C6orf62: variants seen among roughly 807,000 people sequenced by gnomAD.
C6orf62 encodes the protein chromosome 6 open reading frame 62, also known as uncharacterized protein C6orf62.
In C6orf62, 16 loss-of-function variants were observed where a neutral mutation model predicts 26.8. That is an observed-to-expected ratio of 0.60 (90% CI 0.40 to 0.91). C6orf62 has a LOEUF of 0.91. Ranked by LOEUF, C6orf62 falls within the 40% of genes least tolerant of loss-of-function variation. C6orf62 has a pLI of 0.00. For synonymous variants in C6orf62, 112 were observed against 91.5 expected, an observed-to-expected ratio of 1.22 and a Z score of -1.28; for missense variants, 192 against 271.4, an observed-to-expected ratio of 0.71 and a Z score of 2.06.
upstream of C6orf62, chr6:24,720,156 AG>A: frequency 7.8e-7 from 1 of 1,287,740 alleles, no homozygotes; most frequent in Non-Finnish European, 9.8e-7. Context: ...TGAGGCAGCT[AG>A]GGCGGGGTGG....
At chr6:24,712,390 G>A (rs369662363) in intron 3 of C6orf62, among the ~76,000 whole-genome samples, 3 of 151,484 alleles carry the variant, frequency 2.0e-5, no homozygotes, top group African/African-American at 7.3e-5. Flanking sequence ...TCAAAAAAAG[G>A]ACGGGCATGG....
chr6:24,705,420 A>G lies in C6orf62; in HGVS notation c.*717T>C, dbSNP rs1420851212. On this transcript the variant is annotated 3_prime_UTR_variant, in exon 5 of 5. Transcript: ENST00000378119. Reference sequence around the variant, plus strand: ...TCTGTTTTATAGCTGCTTTATAGCTACTTCAGACTCCAGATCTGCTTTAAT... The same window carrying G: ...TCTGTTTTATAGCTGCTTTATAGCTGCTTCAGACTCCAGATCTGCTTTAAT... 6.6e-6 allele frequency: 1 copy of G among 152,652 alleles called. No individual in the cohort carries two copies. Among genetic ancestry groups the G allele is most frequent in the African/African-American group, 2.4e-5 (1 of 41,458 alleles). 9.5% of individuals were successfully genotyped at this position (152,652 alleles called of 1,614,324 possible). A position where few individuals can be genotyped will look rare whatever the true frequency, so the allele number is the denominator to read the frequency against.
intron 3 of C6orf62, among the ~76,000 whole-genome samples, chr6:24,711,847 C>G (rs895363059): frequency 1.3e-5 from 2 of 152,144 alleles, no homozygotes; most frequent in African/African-American, 4.8e-5. Context: ...TATTAACCTA[C>G]TTACTGCAGT....
At chr6:24,712,361 G>A (rs145919567) in intron 3 of C6orf62, among the ~76,000 whole-genome samples, 11 of 150,124 alleles carry the variant, frequency 7.3e-5, no homozygotes, top group Admixed American at 4.7e-4. Flanking sequence ...CAGCTTGGGC[G>A]ACAGAGCAAG....
In C6orf62 at chr6:24,713,196, G is replaced by C. The variant is rs148099674; in HGVS notation, c.429+1122C>G. Among the ~76,000 whole-genome samples the C allele has an allele frequency of 3.9e-5, 6 of 152,264 alleles. No individual in the cohort carries two copies. The East Asian group carries it at 1.2e-3, about 29-fold the overall frequency. On this transcript the variant is annotated intron_variant, in intron 3 of 4. Coordinates refer to ENST00000378119, the MANE Select transcript of C6orf62 (RefSeq NM_030939.5). ...TGGATGTAGTCCCATCATAAATCGA[G>C]GAGCACAATGAATTCATATGGCTTT...
chr6:24,719,482 T>G, upstream of C6orf62: 2 of 1,097,148 alleles, frequency 1.8e-6, no homozygotes, highest in Non-Finnish European at 2.2e-6. Flanking sequence ...AACAGCGGAG[T>G]CATTACCAAC....
rs938747002 is a variant in C6orf62, at chr6:24,704,865, T to G, written c.*1272A>C. The stretch of plus-strand genomic sequence containing the variant: ...GAAAAAGTTAACACTTCAAACTTTG[T>G]GTATTCACCTGAATAGTCAGGGAAC... On this transcript the variant is annotated 3_prime_UTR_variant, in exon 5 of 5. Coordinates refer to ENST00000378119, the MANE Select transcript of C6orf62 (RefSeq NM_030939.5). 2 of 152,270 alleles carry G rather than the reference T, an allele frequency of 1.3e-5. No individual in the cohort carries two copies. The highest frequency in any genetic ancestry group is 2.4e-5 in the African/African-American group (1 of 41,474). 9.4% of individuals were successfully genotyped at this position (152,270 alleles called of 1,614,324 possible).
At chr6:24,717,127 C>T (rs1007601904) in intron 1 of C6orf62, among the ~76,000 whole-genome samples, 2 of 152,184 alleles carry the variant, frequency 1.3e-5, no homozygotes, top group Admixed American at 1.3e-4. Flanking sequence ...AAATTCTGTA[C>T]TATTAAGTAT....
chr6:24,705,954 T>C lies in C6orf62; in HGVS notation c.*183A>G, dbSNP rs560875955. The stretch of plus-strand genomic sequence containing the variant: ...CACACAGTCCGTGCACGACATCTAA[T>C]TTTTGTTTAAGTTCTGAGATAAAAA... On this transcript the variant is annotated 3_prime_UTR_variant, in exon 5 of 5. Transcript: ENST00000378119. 1.2e-6 allele frequency: 1 copy of C among 856,436 alleles called. No individual in the cohort carries two copies. The highest frequency in any genetic ancestry group is 1.7e-5 in the African/African-American group (1 of 59,030). 53.1% of individuals were successfully genotyped at this position (856,436 alleles called of 1,614,324 possible).
At position 24,710,085 on chromosome 6, in the gene C6orf62, T is replaced by C. The variant is rs74325009; in HGVS notation, c.430-1174A>G. ...ACTTCCATACAATTCAAATATTAAA[T>C]TATTAGTATGATCATAAGCATATCA... On this transcript the variant is annotated intron_variant, in intron 3 of 4. Transcript: ENST00000378119. 5.8e-3 allele frequency: 5,744 copies of C among 982,776 alleles called. 186 individuals carry two copies. The African/African-American group carries it at 0.08, about 14-fold the overall frequency. The allele number at this position is 982,776 out of a possible 1,614,324, so 60.9% of individuals were successfully genotyped here. A position where few individuals can be genotyped will look rare whatever the true frequency, so the allele number is the denominator to read the frequency against.
chr6:24,719,880 G>T, upstream of C6orf62: 1 of 1,550,146 alleles, frequency 6.5e-7, no homozygotes, highest in Non-Finnish European at 8.7e-7. Context: ...GGAGACACAG[G>T]ATCACTCAGG....
Position 24,710,327 on chromosome 6 carries a change from G to A in C6orf62, c.430-1416C>T, listed in dbSNP as rs566747692. 9.4e-4 allele frequency: 707 copies of A among 750,328 alleles called. 3 individuals carry two copies. Among genetic ancestry groups the A allele is most frequent in the Middle Eastern group, 8.9e-3 (13 of 1,456 alleles). The allele number at this position is 750,328 out of a possible 1,614,324, so 46.5% of individuals were successfully genotyped here. ...GTTGCCCAGGCTGGAGTGCAATGGC[G>A]CGATCTCGGCTCACTGCAACCTCCG... On this transcript the variant is annotated intron_variant, in intron 3 of 4. Coordinates refer to ENST00000378119, the MANE Select transcript of C6orf62 (RefSeq NM_030939.5).
chr6:24,709,842 G>A (rs983410558), intron 3 of C6orf62: 4 of 985,314 alleles, frequency 4.1e-6, no homozygotes, highest in Non-Finnish European at 4.8e-6. Context: ...TTAACAATAT[G>A]ATATTTAGAC....
At chr6:24,707,481 C>T (rs557851404) in intron 4 of C6orf62, among the ~76,000 whole-genome samples, 2 of 152,026 alleles carry the variant, frequency 1.3e-5, no homozygotes, top group South Asian at 4.2e-4. Flanking sequence ...CCTCAGCCTC[C>T]AGAGTAGCTA....
Position 24,706,137 on chromosome 6 carries a change from C to T in C6orf62, c.690G>A (p.Ter230=), listed in dbSNP as rs904922538. The T allele has an allele frequency of 1.9e-6, 3 of 1,614,150 alleles. No individual in the cohort carries two copies. ...CTTCTCCATTTTGCTGGTCAGTACT[C>T]TACTCTGGCATATAAGGACGGAGGT... ...EDHLRPYMPE[*] The change falls in exon 5 of 5, where the codon TAG becomes TAA. Residue 230 remains the stop codon, a stop_retained_variant. Coordinates refer to ENST00000378119, the MANE Select transcript of C6orf62 (RefSeq NM_030939.5).
upstream of C6orf62, chr6:24,720,777 G>T (rs1447308071): frequency 6.6e-6 from 1 of 152,318 alleles, no homozygotes; most frequent in Non-Finnish European, 1.5e-5. Context: ...CCCCCCGCCG[G>T]TGGCTGCAGA....
chr6:24,718,957 C>T lies in C6orf62; in HGVS notation c.-289G>A. The T allele has an allele frequency of 1.7e-6, 2 of 1,193,936 alleles. No homozygotes were observed. Among genetic ancestry groups the T allele is most frequent in the Non-Finnish European group, 2.1e-6 (2 of 959,186 alleles). 74.0% of individuals were successfully genotyped at this position (1,193,936 alleles called of 1,614,324 possible). On this transcript the variant is annotated 5_prime_UTR_variant, in exon 1 of 5. An upstream open reading frame in the 5' UTR loses its in-frame stop. Transcript: ENST00000378119. Reference sequence around the variant, plus strand: ...AAAGGAAAGAAAGAGGAGAAAATAACTAACTTTCTGGAAAACACATTTGGC... The same window carrying T: ...AAAGGAAAGAAAGAGGAGAAAATAATTAACTTTCTGGAAAACACATTTGGC...
upstream of C6orf62, chr6:24,719,755 G>A (rs1385496640): frequency 1.3e-6 from 2 of 1,542,454 alleles, no homozygotes; most frequent in Non-Finnish European, 1.7e-6. Context: ...CCGAGGCAAA[G>A]GTGGCGGGTT....
chr6:24,711,027 T>C (rs1779110564), intron 3 of C6orf62, among the ~76,000 whole-genome samples: 1 of 151,934 alleles, frequency 6.6e-6, no homozygotes, highest in African/African-American at 2.4e-5. Context: ...ACAGCCATAC[T>C]AGGAAACAGA....
Sources: allele counts gnomAD v4.1 joint callset (sites outside exome capture counted in the v4.1 genomes callset), GRCh38; gene constraint gnomAD v4.1.1; transcripts MANE v1.5; gene names NCBI Gene and HGNC (gene_info 2026-07-23, HGNC 2026-07-21).